Variants in DDHD1 observed in about 807,000 individuals in gnomAD.
The protein encoded by DDHD1 is phospholipase DDHD1.
A neutral mutation model predicts 96.4 loss-of-function variants in DDHD1; 49 were observed. That is an observed-to-expected ratio of 0.51 (90% confidence interval 0.40 to 0.64). The LOEUF (loss-of-function observed/expected upper bound fraction) is 0.64. Among genes scored for constraint, DDHD1 ranks in the 30% least tolerant of loss-of-function variants. DDHD1 has a pLI of 0.00. For missense variants in DDHD1, 1,106 were observed against 1,161.2 expected (o/e 0.95, Z 0.69); for synonymous variants, 442 against 446.5 (o/e 0.99, Z 0.13).
intron 1 of DDHD1, among the ~76,000 whole-genome samples, chr14:53,117,457 CCA>C (rs1322687442): frequency 1.3e-5 from 2 of 152,206 alleles, no homozygotes; most frequent in African/African-American, 4.8e-5. Flanking sequence ...TGCACTATTC[CCA>C]CAGTCTTAGC....
chr14:53,098,301 T>C (rs533889985), intron 2 of DDHD1, among the ~76,000 whole-genome samples: 1 of 152,050 alleles, frequency 6.6e-6, no homozygotes, highest in Non-Finnish European at 1.5e-5. Flanking sequence ...ATGAAAAAGA[T>C]TTAAAATACT....
In DDHD1 at chr14:53,152,365, T is replaced by A; in HGVS notation, c.734A>T (p.Glu245Val). Residue 245 changes from glutamate to valine, a missense_variant, in exon 1 of 13, where the codon GAG becomes GTG. Around this residue, in one of 2 missense-constraint regions of DDHD1, gnomAD observed 456 missense variants for 402.4 expected, o/e 1.13. Transcript: ENST00000673822. ...CGFCQSTTGH[E>V]PEMVELVNIE... ...GTTCACAAGCTCCACCATCTCCGGCTCGTGCCCCGTCGTACTCTGGCAGAA... is the reference window on the plus strand; with the variant it reads ...GTTCACAAGCTCCACCATCTCCGGCACGTGCCCCGTCGTACTCTGGCAGAA... 6.2e-7 allele frequency: 1 copy of A among 1,613,738 alleles called. No homozygotes were observed. The highest frequency in any genetic ancestry group is 8.5e-7 in the Non-Finnish European group (1 of 1,179,960).
rs576335302 is a variant in DDHD1 at position 53,135,067 on chromosome 14, C to T, written c.838+17194G>A. 4.6e-5 allele frequency among the ~76,000 whole-genome samples: 7 copies of T among 152,258 alleles called. No homozygotes were observed. The South Asian group carries it at 1.0e-3, about 23-fold the overall frequency. On this transcript the variant is annotated intron_variant, in intron 1 of 12. Coordinates refer to ENST00000673822, the MANE Select transcript of DDHD1 (RefSeq NM_001160148.2). ...ACCACCCCCAAAAATTTTTGCCACC[C>T]CAACACTTCACCACCATTTTGTTTT...
chr14:53,093,214 C>T (rs1464016896), intron 3 of DDHD1, 102 bp downstream of exon 3: 2 of 1,281,384 alleles, frequency 1.6e-6, no homozygotes, highest in South Asian at 1.8e-5. Context: ...ATTTAATATA[C>T]TTAAAACATA....
chr14:53,038,992 T>A lies in DDHD1; in HGVS notation c.*7776A>T, dbSNP rs1474462945. On this transcript the variant is annotated 3_prime_UTR_variant, in exon 13 of 13. Transcript: ENST00000673822. ...GCAGTAATTAACTTCAACCAGGGGA[T>A]CACAAGACATTATCTTCAAAGACAA... 6.6e-6 allele frequency: 1 copy of A among 152,316 alleles called. No individual in the cohort carries two copies. The highest frequency in any genetic ancestry group is 1.9e-4 in the East Asian group (1 of 5,184). 9.4% of individuals were successfully genotyped at this position (152,316 alleles called of 1,614,324 possible). A position where few individuals can be genotyped will look rare whatever the true frequency, so the allele number is the denominator to read the frequency against.
chr14:53,086,118 A>G (rs1355608103), intron 4 of DDHD1, among the ~76,000 whole-genome samples: 1 of 152,206 alleles, frequency 6.6e-6, no homozygotes, highest in East Asian at 1.9e-4. Context: ...GTAAAAAGAA[A>G]CAAACAAAGC....
At chr14:53,055,059 T>C (rs1249032311) in intron 10 of DDHD1, among the ~76,000 whole-genome samples, 1 of 152,204 alleles carries the variant, frequency 6.6e-6, no homozygotes, top group Admixed American at 6.5e-5. Context: ...AAACAGCCAA[T>C]GAGTCCAGGA....
intron 1 of DDHD1, among the ~76,000 whole-genome samples, chr14:53,110,832 G>A (rs1158860918): frequency 6.6e-6 from 1 of 152,020 alleles, no homozygotes; most frequent in Non-Finnish European, 1.5e-5. Context: ...AAAATTAGCT[G>A]GGCTTGGTGG....
chr14:53,047,249 C>A (rs1272505497), intron 12 of DDHD1, among the ~76,000 whole-genome samples: 1 of 152,120 alleles, frequency 6.6e-6, no homozygotes, highest in East Asian at 1.9e-4. Context: ...AAATTGCTTT[C>A]AAAACTTGGC....
intron 1 of DDHD1, among the ~76,000 whole-genome samples, chr14:53,117,345 C>A (rs1888626067): frequency 6.6e-6 from 1 of 152,168 alleles, no homozygotes; most frequent in African/African-American, 2.4e-5. Context: ...TGGGGCGTCG[C>A]CTCACCCAGG....
intron 2 of DDHD1, among the ~76,000 whole-genome samples, chr14:53,096,388 T>C (rs928406378): frequency 6.6e-6 from 1 of 152,110 alleles, no homozygotes; most frequent in African/African-American, 2.4e-5. Context: ...ATTAGTATAA[T>C]GTTTATCAAA....
intron 1 of DDHD1, among the ~76,000 whole-genome samples, chr14:53,137,668 T>C (rs1290577978): frequency 6.6e-6 from 1 of 150,732 alleles, no homozygotes; most frequent in Non-Finnish European, 1.5e-5. Context: ...ATGTACAGAG[T>C]TGTTAAGCAA....
intron 2 of DDHD1, among the ~76,000 whole-genome samples, chr14:53,102,619 T>TTTCC (rs979941606): frequency 7.3e-5 from 11 of 151,606 alleles, no homozygotes; most frequent in African/African-American, 2.4e-4. Flanking sequence ...AACTACACAG[T>TTTCC]TTCCTTGCTT....
chr14:53,062,895 A>G, intron 7 of DDHD1, 48 bp downstream of exon 7: 1 of 1,582,186 alleles, frequency 6.3e-7, no homozygotes, highest in Non-Finnish European at 8.6e-7. Context: ...AGGTCCAGTA[A>G]TTCCATAAAG....
intron 1 of DDHD1, among the ~76,000 whole-genome samples, chr14:53,146,495 C>CAAAAAAA (rs11399058): frequency 7.3e-6 from 1 of 137,642 alleles, no homozygotes. Flanking sequence ...CAGAGCATCT[C>CAAAAAAA]AAAAAAAAAA....
chr14:53,060,756 T>TA (rs1420809512), intron 8 of DDHD1, among the ~76,000 whole-genome samples: 2 of 152,212 alleles, frequency 1.3e-5, no homozygotes, highest in Non-Finnish European at 2.9e-5. Flanking sequence ...CCATTCCTCT[T>TA]AAACAGAATA....
intron 6 of DDHD1, among the ~76,000 whole-genome samples, chr14:53,067,103 T>C (rs1440081438): frequency 6.6e-6 from 1 of 151,600 alleles, no homozygotes; most frequent in African/African-American, 2.4e-5. Context: ...ACAGGCTCCA[T>C]CTCAGAACCA....
At chr14:53,135,182 C>A (rs1376301778) in intron 1 of DDHD1, among the ~76,000 whole-genome samples, 1 of 152,198 alleles carries the variant, frequency 6.6e-6, no homozygotes. Flanking sequence ...AGGTATACAT[C>A]CAGATGGCCT....
At chr14:53,119,981 G>C (rs1175310274) in intron 1 of DDHD1, among the ~76,000 whole-genome samples, 3 of 152,050 alleles carry the variant, frequency 2.0e-5, no homozygotes, top group Admixed American at 6.6e-5. Context: ...AGAAATAAAG[G>C]GTATTCAAAT....
Sources: allele counts gnomAD v4.1 joint callset (sites outside exome capture counted in the v4.1 genomes callset), GRCh38; gene constraint gnomAD v4.1.1; regional missense constraint gnomAD v4.1.1; transcripts MANE v1.5; gene names NCBI Gene and HGNC (gene_info 2026-07-23, HGNC 2026-07-21).